Variants in TMEM163 observed in about 807,000 individuals in gnomAD.
The protein encoded by TMEM163 is transmembrane protein 163.
In TMEM163, 17 loss-of-function variants were observed where a neutral mutation model predicts 29.3. The ratio of observed to expected loss-of-function variants is 0.58; its 90% confidence interval spans 0.40 to 0.87. The LOEUF (loss-of-function observed/expected upper bound fraction) is 0.87, where lower values mean the gene tolerates loss of function less well. Ranked by LOEUF, TMEM163 falls within the 40% of genes least tolerant of loss-of-function variation. The probability of loss-of-function intolerance (pLI) is 0.00; values close to 1 mark genes in which losing one functional copy is unlikely to be tolerated. For missense variants in TMEM163, 303 were observed against 381.5 expected, an observed-to-expected ratio of 0.79 and a Z score of 1.71; for synonymous variants, 157 against 160.6, an observed-to-expected ratio of 0.98 and a Z score of 0.17.
chr2:134,599,361 T>C (rs924629690), intron 2 of TMEM163, among the ~76,000 whole-genome samples: 1 of 152,160 alleles, frequency 6.6e-6, no homozygotes, highest in South Asian at 2.1e-4. Flanking sequence ...CCCAAGGCTA[T>C]AGTGTTAGAA....
At chr2:134,576,710 C>T (rs1371391429) in intron 2 of TMEM163, among the ~76,000 whole-genome samples, 1 of 152,174 alleles carries the variant, frequency 6.6e-6, no homozygotes, top group African/African-American at 2.4e-5. Flanking sequence ...TCTGAGGCAT[C>T]TGCAAGTATT....
intron 5 of TMEM163, among the ~76,000 whole-genome samples, chr2:134,491,156 A>G (rs1679420333): frequency 6.6e-6 from 1 of 152,084 alleles, no homozygotes; most frequent in South Asian, 2.1e-4. Flanking sequence ...TCAAGTAGAG[A>G]GGCATGTGAA....
At chr2:134,595,098 TTTA>T (rs1682040338) in intron 2 of TMEM163, among the ~76,000 whole-genome samples, 1 of 151,550 alleles carries the variant, frequency 6.6e-6, no homozygotes, top group African/African-American at 2.4e-5. Context: ...TTTATTTTTA[TTTA>T]TTTTTTATTT....
chr2:134,502,365 A>C (rs1332342473), intron 5 of TMEM163, among the ~76,000 whole-genome samples: 1 of 152,222 alleles, frequency 6.6e-6, no homozygotes, highest in Non-Finnish European at 1.5e-5. Flanking sequence ...AGGGAAAAAG[A>C]ATCAGAGTGC....
rs570045057 is a variant in TMEM163, at chr2:134,463,149, C to G, written c.667+2965G>C. On this transcript the variant is annotated intron_variant, in intron 6 of 7. Transcript: ENST00000281924. Reference sequence around the variant, plus strand: ...TTGCAGGGCAGGTGGGCAGCACACACAGCTGAGGGAAGCCGAGGCCAGCCA... The same window carrying G: ...TTGCAGGGCAGGTGGGCAGCACACAGAGCTGAGGGAAGCCGAGGCCAGCCA... 5.3e-5 allele frequency among the ~76,000 whole-genome samples: 8 copies of G among 152,340 alleles called. No homozygotes were observed. In the East Asian group the frequency reaches 1.3e-3, roughly 26 times the overall value.
intron 2 of TMEM163, among the ~76,000 whole-genome samples, chr2:134,669,932 C>A (rs1042668797): frequency 3.9e-5 from 6 of 152,112 alleles, no homozygotes; most frequent in African/African-American, 1.4e-4. Flanking sequence ...GAGGAAGAAG[C>A]CTGTGAGATG....
chr2:134,707,958 A>G (rs933133170), intron 2 of TMEM163, among the ~76,000 whole-genome samples: 8 of 146,740 alleles, frequency 5.5e-5, no homozygotes, highest in African/African-American at 1.3e-4. Flanking sequence ...GTGCGATCTC[A>G]GCTCACTGCA....
At chr2:134,632,412 G>A (rs1682987217) in intron 2 of TMEM163, among the ~76,000 whole-genome samples, 1 of 152,246 alleles carries the variant, frequency 6.6e-6, no homozygotes, top group African/African-American at 2.4e-5. Context: ...TCAGACATGG[G>A]ATGGACTGCA....
chr2:134,641,023 C>T (rs1683210674), intron 2 of TMEM163, among the ~76,000 whole-genome samples: 1 of 152,162 alleles, frequency 6.6e-6, no homozygotes, highest in African/African-American at 2.4e-5. Context: ...AGTTTCAAAG[C>T]ATTCTTGAGA....
intron 2 of TMEM163, among the ~76,000 whole-genome samples, chr2:134,631,013 GA>G (rs35010747): frequency 1.1e-4 from 16 of 150,616 alleles, no homozygotes; most frequent in African/African-American, 1.9e-4. Flanking sequence ...ACACTTGAGG[GA>G]AAAAAAAAAT....
chr2:134,544,813 T>C (rs998827466), intron 4 of TMEM163, among the ~76,000 whole-genome samples: 2 of 151,942 alleles, frequency 1.3e-5, no homozygotes, highest in African/African-American at 4.8e-5. Context: ...AATAAATAAA[T>C]ATCCAGTTCC....
At chr2:134,653,096 G>A (rs1445539443) in intron 2 of TMEM163, among the ~76,000 whole-genome samples, 2 of 115,030 alleles carry the variant, frequency 1.7e-5, no homozygotes, top group East Asian at 2.2e-4. Context: ...TTTTTCTATT[G>A]ATTGGAATAG....
At chr2:134,554,768 A>G (rs1681012971) in intron 2 of TMEM163, among the ~76,000 whole-genome samples, 2 of 152,240 alleles carry the variant, frequency 1.3e-5, no homozygotes, top group Admixed American at 6.5e-5. Context: ...CCTCAAAATT[A>G]TGCAGGAACG....
chr2:134,522,525 C>T (rs1355580097), intron 4 of TMEM163, among the ~76,000 whole-genome samples: 1 of 152,182 alleles, frequency 6.6e-6, no homozygotes, highest in Non-Finnish European at 1.5e-5. Flanking sequence ...ATAATTTGCT[C>T]CCAAAAGTCC....
chr2:134,624,330 G>A (rs2104827266), intron 2 of TMEM163, among the ~76,000 whole-genome samples: 1 of 152,298 alleles, frequency 6.6e-6, no homozygotes, highest in South Asian at 2.1e-4. Flanking sequence ...GGATGGAACA[G>A]GAGGCCATTA....
intron 2 of TMEM163, among the ~76,000 whole-genome samples, chr2:134,633,512 A>G (rs1404132650): frequency 6.6e-6 from 1 of 152,196 alleles, no homozygotes; most frequent in Admixed American, 6.5e-5. Flanking sequence ...TTCCATAAAA[A>G]ATTAGAAAGA....
intron 6 of TMEM163, among the ~76,000 whole-genome samples, chr2:134,461,179 C>T (rs1686526703): frequency 6.6e-6 from 1 of 152,240 alleles, no homozygotes; most frequent in Non-Finnish European, 1.5e-5. Flanking sequence ...GAAATGTTAT[C>T]AGTTTAGGAG....
At chr2:134,620,117 G>A (rs1439435787) in intron 2 of TMEM163, among the ~76,000 whole-genome samples, 2 of 152,054 alleles carry the variant, frequency 1.3e-5, no homozygotes, top group Non-Finnish European at 2.9e-5. Context: ...TTAAATCCCA[G>A]CAGGTTTACT....
chr2:134,585,556 C>T (rs909432990), intron 2 of TMEM163, among the ~76,000 whole-genome samples: 3 of 152,134 alleles, frequency 2.0e-5, no homozygotes, highest in Admixed American at 6.5e-5. Context: ...TCCTGGCTAA[C>T]ACAGTGAAAC....
Sources: gnomAD v4.1 joint callset for allele counts (sites outside exome capture counted in the v4.1 genomes callset) on GRCh38, gnomAD v4.1.1 for gene constraint, MANE v1.5 for transcripts, NCBI Gene and HGNC (gene_info 2026-07-23, HGNC 2026-07-21) for gene names.